The following PI4K2B variants were observed in gnomAD, a reference collection of about 807,000 sequenced individuals.
The protein encoded by PI4K2B is phosphatidylinositol 4-kinase type 2 beta, also known as phosphatidylinositol 4-kinase type 2-beta.
A neutral mutation model predicts 56.6 loss-of-function variants in PI4K2B; 46 were observed. That is an observed-to-expected ratio of 0.81 (90% CI 0.64 to 1.04). PI4K2B has a LOEUF of 1.04. Ranked by LOEUF, PI4K2B falls within the 50% of genes least tolerant of loss-of-function variation. The pLI is 0.00. For synonymous variants in PI4K2B, 211 were observed against 223.8 expected (o/e 0.94, Z 0.51); for missense variants, 556 against 607.7 (o/e 0.91, Z 0.89).
intron 7 of PI4K2B, among the ~76,000 whole-genome samples, chr4:25,265,542 A>G (rs1716635467): frequency 6.6e-6 from 1 of 152,202 alleles, no homozygotes; most frequent in African/African-American, 2.4e-5. Flanking sequence ...CGGGTTGCAC[A>G]GGTGGTACTC....
chr4:25,267,762 A>G (rs1260663358), intron 7 of PI4K2B: 1 of 980,910 alleles, frequency 1.0e-6, no homozygotes, highest in Non-Finnish European at 1.2e-6. Context: ...GGTCTTCTTG[A>G]GGGAGAATTA....
intron 9 of PI4K2B, among the ~76,000 whole-genome samples, chr4:25,269,493 G>C (rs554017833): frequency 1.5e-3 from 221 of 151,956 alleles, no homozygotes; most frequent in African/African-American, 5.1e-3. Context: ...AAAAAAATTA[G>C]CTGGGTGTGG....
intron 9 of PI4K2B, 198 bp from the exon 10 acceptor site, chr4:25,276,816 T>TGTGC (rs1717114476): frequency 6.1e-6 from 5 of 814,882 alleles, no homozygotes; most frequent in Non-Finnish European, 7.4e-6. Flanking sequence ...TGTGTGTGTG[T>TGTGC]GCGCGTGTGT....
intron 4 of PI4K2B, chr4:25,258,560 C>T (rs945675766): frequency 6.1e-5 from 21 of 346,198 alleles, no homozygotes; most frequent in Non-Finnish European, 7.5e-5. Context: ...AAGAAAGAGT[C>T]TTAACAACTA....
rs779288490 is a variant in PI4K2B, at chr4:25,259,189, A to G, written c.909A>G (p.Thr303=). ...TTTTGGATTACATCATCAGAAATAC[A>G]GGTATTGAAGTTCTCTCATTTGTTC... ...LVILDYIIRN[T]DRGNDNWLVR... Residue 303 remains threonine, a splice_region_variant and synonymous_variant, in exon 5 of 10, where the codon ACA becomes ACG. Transcript: ENST00000264864. The G allele has an allele frequency of 2.0e-6, 3 of 1,520,254 alleles. No individual in the cohort carries two copies. The highest frequency in any genetic ancestry group is 3.7e-5 in the Admixed American group (2 of 54,342). 94.2% of individuals were successfully genotyped at this position (1,520,254 alleles called of 1,614,324 possible). A position where few individuals can be genotyped will look rare whatever the true frequency, so the allele number is the denominator to read the frequency against.
At chr4:25,266,894 A>G (rs886574604) in intron 7 of PI4K2B, among the ~76,000 whole-genome samples, 20 of 152,356 alleles carry the variant, frequency 1.3e-4, no homozygotes, top group Non-Finnish European at 2.4e-4. Flanking sequence ...TGCCAGGTAC[A>G]TAAGTATTCA....
At chr4:25,258,651 G>A (rs1716346764) in intron 4 of PI4K2B, among the ~76,000 whole-genome samples, 1 of 151,812 alleles carries the variant, frequency 6.6e-6, no homozygotes, top group Non-Finnish European at 1.5e-5. Context: ...AAATTGCACT[G>A]TTACTGAATA....
At chr4:25,268,209 A>G (rs2109023196) in intron 7 of PI4K2B, among the ~76,000 whole-genome samples, 1 of 152,354 alleles carries the variant, frequency 6.6e-6, no homozygotes, top group Non-Finnish European at 1.5e-5. Flanking sequence ...TAGATTCATT[A>G]TCTAAACTCT....
chr4:25,268,510 T>G lies in PI4K2B; in HGVS notation c.1146T>G (p.Ile382Met). 1.9e-6 allele frequency: 3 copies of G among 1,598,366 alleles called. 1 individual carries two copies. The South Asian group carries it at 3.4e-5, about 18-fold the overall frequency. Reference sequence around the variant, plus strand: ...TTTCTGAAGAAATAAGAAATTTGATTCTACCATATATTTCTGACATGAACT... The same window carrying G: ...TTTCTGAAGAAATAAGAAATTTGATGCTACCATATATTTCTGACATGAACT... Reference protein sequence around the residue: ...VPFSEEIRNLILPYISDMNFV... With the variant: ...VPFSEEIRNLMLPYISDMNFV... The change falls in exon 8 of 10, where the codon ATT (isoleucine) becomes ATG (methionine). Residue 382 changes from isoleucine to methionine, a missense_variant. By Grantham distance (10) the Ile-to-Met change is conservative. Transcript: ENST00000264864.
Position 25,277,297 on chromosome 4 carries a change from G to A in PI4K2B, c.*110G>A. ...TCCAGTTGCTAAAACCTCAATTTAAGTCTTTAAAAGGTTGTATTTTGAATG... is the reference window on the plus strand; with the variant it reads ...TCCAGTTGCTAAAACCTCAATTTAAATCTTTAAAAGGTTGTATTTTGAATG... On this transcript the variant is annotated 3_prime_UTR_variant, in exon 10 of 10. Coordinates refer to ENST00000264864, the MANE Select transcript of PI4K2B (RefSeq NM_018323.4). 7.8e-7 allele frequency: 1 copy of A among 1,281,446 alleles called. No individual in the cohort carries two copies. The allele number at this position is 1,281,446 out of a possible 1,614,324, so 79.4% of individuals were successfully genotyped here. A position where few individuals can be genotyped will look rare whatever the true frequency, so the allele number is the denominator to read the frequency against.
intron 1 of PI4K2B, among the ~76,000 whole-genome samples, chr4:25,247,869 A>G (rs895374992): frequency 1.4e-4 from 22 of 152,018 alleles, no homozygotes; most frequent in Non-Finnish European, 3.1e-4. Context: ...ATACCCAGCT[A>G]ATTTTTTATT....
chr4:25,266,132 AT>A (rs1246414320), intron 7 of PI4K2B, among the ~76,000 whole-genome samples: 1 of 150,876 alleles, frequency 6.6e-6, no homozygotes, highest in African/African-American at 2.4e-5. Flanking sequence ...ACCTCCGTTC[AT>A]TTTGTTAGCA....
At chr4:25,249,742 G>A (rs558950029) in intron 1 of PI4K2B, among the ~76,000 whole-genome samples, 54 of 151,784 alleles carry the variant, frequency 3.6e-4, no homozygotes, top group African/African-American at 1.2e-3. Flanking sequence ...CAGACGGGGC[G>A]GCGGGGCAGA....
intron 1 of PI4K2B, among the ~76,000 whole-genome samples, chr4:25,249,773 C>T (rs924745885): frequency 2.0e-5 from 3 of 150,146 alleles, no homozygotes; most frequent in East Asian, 2.0e-4. Context: ...ACATCCCAGA[C>T]GATGGGCGGC....
At chr4:25,235,040 T>A (rs1476331006) in intron 1 of PI4K2B, among the ~76,000 whole-genome samples, 1 of 152,250 alleles carries the variant, frequency 6.6e-6, no homozygotes, top group Non-Finnish European at 1.5e-5. Context: ...CTCTTTTCGC[T>A]ATTAAGCGGA....
chr4:25,245,979 A>G (rs985365722), intron 1 of PI4K2B, among the ~76,000 whole-genome samples: 2 of 152,084 alleles, frequency 1.3e-5, no homozygotes, highest in Non-Finnish European at 2.9e-5. Flanking sequence ...GACCCTCCCA[A>G]TGAGTGTTAC....
At chr4:25,274,259 C>T (rs577413984) in intron 9 of PI4K2B, among the ~76,000 whole-genome samples, 3 of 152,232 alleles carry the variant, frequency 2.0e-5, no homozygotes, top group Admixed American at 6.5e-5. Flanking sequence ...TAAAGGAAAG[C>T]AAAGTCAGTA....
chr4:25,270,753 C>T (rs149295985), intron 9 of PI4K2B, among the ~76,000 whole-genome samples: 7 of 152,276 alleles, frequency 4.6e-5, no homozygotes, highest in African/African-American at 1.7e-4. Context: ...ATGACTTCTG[C>T]TTCTTGGACT....
intron 1 of PI4K2B, among the ~76,000 whole-genome samples, chr4:25,248,275 C>A (rs549881762): frequency 6.6e-6 from 1 of 152,244 alleles, no homozygotes; most frequent in East Asian, 1.9e-4. Flanking sequence ...CCAGTAATAA[C>A]CCTTAGGTGT....
Sources: allele counts gnomAD v4.1 joint callset (sites outside exome capture counted in the v4.1 genomes callset), GRCh38; gene constraint gnomAD v4.1.1; transcripts MANE v1.5; gene names NCBI Gene and HGNC (gene_info 2026-07-23, HGNC 2026-07-21).